ADGRL3: variants seen among roughly 807,000 people sequenced by gnomAD.
The protein encoded by ADGRL3 is adhesion G protein-coupled receptor L3, also known as calcium-independent alpha-latrotoxin receptor 3.
ADGRL3 carries 62 observed loss-of-function variants against 153.5 expected under a neutral mutation model. The ratio of observed to expected loss-of-function variants is 0.40; its 90% confidence interval spans 0.33 to 0.50. The LOEUF (loss-of-function observed/expected upper bound fraction) is 0.50, where lower values mean the gene tolerates loss of function less well. Ranked by LOEUF, ADGRL3 falls within the 20% of genes least tolerant of loss-of-function variation. ADGRL3 has a pLI of 0.47. For synonymous variants in ADGRL3, 710 were observed against 672.5 expected, an observed-to-expected ratio of 1.06 and a Z score of -0.86; for missense variants, 1,641 against 1,859.4, an observed-to-expected ratio of 0.88 and a Z score of 2.16.
intron 8 of ADGRL3, among the ~76,000 whole-genome samples, chr4:61,767,465 G>C (rs1265609377): frequency 1.3e-5 from 2 of 152,064 alleles, no homozygotes; most frequent in Non-Finnish European, 2.9e-5. Context: ...TATTGATTAA[G>C]AAGGGGACGG....
At chr4:61,881,461 C>T (rs2098507941) in intron 9 of ADGRL3, among the ~76,000 whole-genome samples, 2 of 152,184 alleles carry the variant, frequency 1.3e-5, no homozygotes, top group African/African-American at 4.8e-5. Flanking sequence ...TCACTGCAAC[C>T]TCCGCCTCCC....
chr4:61,907,640 G>T (rs1035139279), intron 11 of ADGRL3, among the ~76,000 whole-genome samples: 2 of 149,328 alleles, frequency 1.3e-5, no homozygotes, highest in Non-Finnish European at 3.0e-5. Flanking sequence ...ATATACACAT[G>T]ATATATATAT....
At chr4:61,652,720 A>T (rs2094303884) in intron 5 of ADGRL3, among the ~76,000 whole-genome samples, 1 of 152,184 alleles carries the variant, frequency 6.6e-6, no homozygotes, top group Admixed American at 6.5e-5. Flanking sequence ...TCCCTGAACT[A>T]CAACATTTAT....
intron 5 of ADGRL3, among the ~76,000 whole-genome samples, chr4:61,631,721 G>C (rs1339233165): frequency 6.6e-6 from 1 of 152,062 alleles, no homozygotes; most frequent in Non-Finnish European, 1.5e-5. Flanking sequence ...ATTAAAATCA[G>C]AAATGTGACA....
At chr4:61,616,485 A>C (rs1255851807) in intron 5 of ADGRL3, among the ~76,000 whole-genome samples, 1 of 152,210 alleles carries the variant, frequency 6.6e-6, no homozygotes, top group African/African-American at 2.4e-5. Flanking sequence ...TAGAATTTTA[A>C]GCAACACAAA....
At chr4:61,912,854 C>A (rs1296077121) in intron 13 of ADGRL3, 97 bp downstream of exon 13, 20 of 1,178,310 alleles carry the variant, frequency 1.7e-5, no homozygotes, top group Non-Finnish European at 2.5e-5. Context: ...ATGTACCTTA[C>A]TGAAATAAAG....
intron 8 of ADGRL3, among the ~76,000 whole-genome samples, chr4:61,734,835 A>G (rs1028013175): frequency 2.0e-5 from 3 of 152,310 alleles, no homozygotes; most frequent in East Asian, 3.9e-4. Flanking sequence ...AACTACAAGA[A>G]ATTGACTCTC....
At chr4:61,209,482 A>G (rs1738879626) in intron 1 of ADGRL3, among the ~76,000 whole-genome samples, 1 of 152,188 alleles carries the variant, frequency 6.6e-6, no homozygotes, top group African/African-American at 2.4e-5. Context: ...TTATTAAGAA[A>G]ACGTAGCTAA....
intron 5 of ADGRL3, among the ~76,000 whole-genome samples, chr4:61,602,177 T>A (rs1315005492): frequency 1.3e-5 from 2 of 151,718 alleles, no homozygotes; most frequent in Admixed American, 1.3e-4. Flanking sequence ...AATAACCCCA[T>A]CAAGGTTGAT....
intron 9 of ADGRL3, among the ~76,000 whole-genome samples, chr4:61,825,330 A>G (rs1305945503): frequency 6.6e-6 from 1 of 152,194 alleles, no homozygotes; most frequent in East Asian, 1.9e-4. Flanking sequence ...TATTGGTATG[A>G]TATTATATGT....
Position 62,006,470 on chromosome 4 carries a change from T to C in ADGRL3, c.3395+8205T>C, listed in dbSNP as rs533406976. On this transcript the variant is annotated intron_variant, in intron 21 of 26. Transcript: ENST00000683033. ...GGGGGTAGGACAGTTTTTGTTTTTG[T>C]TTTTGTTTTTTTGCAAGATAACTTG... is the stretch of plus-strand genomic sequence containing the variant. Among the ~76,000 whole-genome samples the C allele has an allele frequency of 4.6e-5, 7 of 152,108 alleles. No individual in the cohort carries two copies. The South Asian group carries it at 1.5e-3, about 32-fold the overall frequency.
At chr4:61,789,908 A>G (rs1044127425) in intron 8 of ADGRL3, among the ~76,000 whole-genome samples, 5 of 152,196 alleles carry the variant, frequency 3.3e-5, no homozygotes, top group Admixed American at 6.5e-5. Flanking sequence ...TTTCCTCAGC[A>G]CCTGTTATTA....
intron 17 of ADGRL3, among the ~76,000 whole-genome samples, chr4:61,955,773 G>A (rs181676039): frequency 1.2e-3 from 179 of 152,206 alleles, no homozygotes; most frequent in African/African-American, 4.1e-3. Context: ...ACTTATGAGT[G>A]AGAACATGCA....
chr4:61,666,050 G>T (rs1188091103), intron 5 of ADGRL3, among the ~76,000 whole-genome samples: 1 of 152,194 alleles, frequency 6.6e-6, no homozygotes, highest in Admixed American at 6.5e-5. Context: ...TCAAAAATCT[G>T]TAGATGACAG....
At chr4:61,818,847 T>A (rs147492615) in intron 9 of ADGRL3, among the ~76,000 whole-genome samples, 33 of 152,314 alleles carry the variant, frequency 2.2e-4, no homozygotes, top group African/African-American at 7.2e-4. Flanking sequence ...TTATAATCAC[T>A]AGCTCATGTG....
At chr4:61,869,976 AAGAGAG>A (rs1170473906) in intron 9 of ADGRL3, among the ~76,000 whole-genome samples, 1 of 99,592 alleles carries the variant, frequency 1.0e-5, no homozygotes, top group African/African-American at 3.4e-5. Flanking sequence ...GAGAGAGAGA[AAGAGAG>A]AGAGAGAGGG....
Position 61,250,608 on chromosome 4 carries a change from C to T in ADGRL3, c.-240+48843C>T, listed in dbSNP as rs1287086567. ...AATTGCCAGTTATTCAGATGTGAAC[C>T]ACTTCAAGTAAATTTTCCTGAAAGT... is the stretch of plus-strand genomic sequence containing the variant. On this transcript the variant is annotated intron_variant, in intron 1 of 26. Transcript: ENST00000683033. Among the ~76,000 whole-genome samples the T allele has an allele frequency of 2.6e-5, 4 of 152,156 alleles. No individual in the cohort carries two copies. In the East Asian group the frequency reaches 7.7e-4, roughly 29 times the overall value.
intron 9 of ADGRL3, among the ~76,000 whole-genome samples, chr4:61,819,733 G>C (rs1188930364): frequency 6.6e-6 from 1 of 151,986 alleles, no homozygotes; most frequent in East Asian, 1.9e-4. Context: ...AAAAATAACA[G>C]AGAAGACTGC....
intron 5 of ADGRL3, among the ~76,000 whole-genome samples, chr4:61,675,954 A>C (rs1580224230): frequency 6.6e-6 from 1 of 150,470 alleles, no homozygotes; most frequent in African/African-American, 2.5e-5. Context: ...TCCCCCCTCT[A>C]CCCCTCACTC....
Sources: gnomAD v4.1 joint callset for allele counts (sites outside exome capture counted in the v4.1 genomes callset) on GRCh38, gnomAD v4.1.1 for gene constraint, MANE v1.5 for transcripts, NCBI Gene and HGNC (gene_info 2026-07-23, HGNC 2026-07-21) for gene names.